The following IL1RAPL2 variants were observed in gnomAD, a reference collection of about 807,000 sequenced individuals.
The protein encoded by IL1RAPL2 is interleukin 1 receptor accessory protein like 2.
IL1RAPL2 carries 3 observed loss-of-function variants against 44.1 expected under a neutral mutation model. That is an observed-to-expected ratio of 0.07 (90% CI 0.03 to 0.18). The LOEUF (loss-of-function observed/expected upper bound fraction) is 0.18, where lower values mean the gene tolerates loss of function less well. IL1RAPL2 is among the 10% of genes least tolerant of loss of function. The probability of loss-of-function intolerance (pLI) is 1.00; values close to 1 mark genes in which losing one functional copy is unlikely to be tolerated. For synonymous variants in IL1RAPL2, 181 were observed against 178.8 expected (o/e 1.01, Z -0.10); for missense variants, 391 against 496.4 (o/e 0.79, Z 2.02).
chrX:105,164,035 G>A (rs1296033304), intron 2 of IL1RAPL2, among the ~76,000 whole-genome samples: 2 of 109,819 alleles, frequency 1.8e-5, no homozygotes, highest in East Asian at 2.9e-4. Flanking sequence ...ACATTCATGT[G>A]TTCTTGTCAA....
intron 6 of IL1RAPL2, among the ~76,000 whole-genome samples, chrX:105,598,908 C>T (rs1413830298): frequency 8.9e-6 from 1 of 112,502 alleles, no homozygotes; most frequent in Non-Finnish European, 1.9e-5. Flanking sequence ...ATCTACTGCT[C>T]TTTGTTAAGA....
At position 105,162,683 on chromosome X, in the gene IL1RAPL2, T is replaced by C. The variant is rs1019631463; in HGVS notation, c.83-32792T>C. Among the ~76,000 whole-genome samples, 8 of 112,150 alleles carry C rather than the reference T, an allele frequency of 7.1e-5. No individual in the cohort carries two copies. The East Asian group carries it at 1.4e-3, about 20-fold the overall frequency. On this transcript the variant is annotated intron_variant, in intron 2 of 10. Coordinates refer to ENST00000372582, the MANE Select transcript of IL1RAPL2 (RefSeq NM_017416.2). The stretch of plus-strand genomic sequence containing the variant: ...AAAACGTGGATACTGTGTAACACCA[T>C]GTATGGAGGGTGTGTTAGTCCATTA...
At chrX:105,306,632 T>G (rs986060922) in intron 5 of IL1RAPL2, among the ~76,000 whole-genome samples, 1 of 111,599 alleles carries the variant, frequency 9.0e-6, no homozygotes, top group African/African-American at 3.3e-5. Context: ...TCCTCCTAAT[T>G]AGATTCAGGT....
chrX:105,404,964 G>A (rs1361486613), intron 5 of IL1RAPL2, among the ~76,000 whole-genome samples: 1 of 111,835 alleles, frequency 8.9e-6, no homozygotes, highest in Non-Finnish European at 1.9e-5. Flanking sequence ...TATACAGGCA[G>A]ATTTTTTGTA....
At chrX:105,109,183 T>C (rs768652034) in intron 2 of IL1RAPL2, among the ~76,000 whole-genome samples, 1 of 112,430 alleles carries the variant, frequency 8.9e-6, no homozygotes, top group South Asian at 3.7e-4. Flanking sequence ...ATTTTCTTAC[T>C]TGTTTAATGT....
intron 2 of IL1RAPL2, among the ~76,000 whole-genome samples, chrX:104,932,555 G>A (rs1207548143): frequency 9.0e-6 from 1 of 111,114 alleles, no homozygotes; most frequent in Non-Finnish European, 1.9e-5. Flanking sequence ...CTACAACAAT[G>A]GAAATAGTCT....
chrX:105,235,349 A>C (rs1603025677), intron 4 of IL1RAPL2, among the ~76,000 whole-genome samples: 1 of 111,955 alleles, frequency 8.9e-6, no homozygotes, highest in Non-Finnish European at 1.9e-5. Context: ...GACACACTGA[A>C]GTTTTATGAT....
chrX:104,582,824 C>T (rs186144014), intron 1 of IL1RAPL2, among the ~76,000 whole-genome samples: 525 of 22,197 alleles, frequency 0.024, 10 homozygotes, highest in Admixed American at 0.041. Context: ...CTTTCTTTCT[C>T]TTTCTTTCTT....
At chrX:104,958,141 T>C (rs2029935499) in intron 2 of IL1RAPL2, among the ~76,000 whole-genome samples, 1 of 111,412 alleles carries the variant, frequency 9.0e-6, no homozygotes, top group Non-Finnish European at 1.9e-5. Flanking sequence ...TATCTTGAAA[T>C]TCTTAATAAG....
intron 5 of IL1RAPL2, among the ~76,000 whole-genome samples, chrX:105,307,114 T>C (rs773574274): frequency 1.3e-3 from 143 of 108,253 alleles, no homozygotes; most frequent in Non-Finnish European, 2.5e-3. Context: ...TGAGAATTCA[T>C]TCACTATCAC....
chrX:104,647,262 T>C, intron 1 of IL1RAPL2: 1 of 390,928 alleles, frequency 2.6e-6, no homozygotes, highest in Non-Finnish European at 4.9e-6. Context: ...TGGTATGTGA[T>C]GTCCTCTGCA....
chrX:104,610,722 C>T (rs1161570579), intron 1 of IL1RAPL2, among the ~76,000 whole-genome samples: 8 of 111,656 alleles, frequency 7.2e-5, no homozygotes, highest in African/African-American at 2.0e-4. Flanking sequence ...TTTATAGATT[C>T]AATGCGATCC....
intron 10 of IL1RAPL2, 72 bp from the exon 11 acceptor site, chrX:105,766,892 G>A: frequency 4.2e-6 from 3 of 707,937 alleles, no homozygotes; most frequent in Non-Finnish European, 6.5e-6. Flanking sequence ...TGCTATACTA[G>A]TGTGCAAACC....
chrX:104,895,828 C>A (rs189430390), intron 2 of IL1RAPL2, among the ~76,000 whole-genome samples: 9 of 111,861 alleles, frequency 8.0e-5, no homozygotes, highest in African/African-American at 2.9e-4. Flanking sequence ...GTGAGATGAA[C>A]CTGGTACCTC....
chrX:105,377,004 A>G (rs1446212126), intron 5 of IL1RAPL2, among the ~76,000 whole-genome samples: 2 of 112,262 alleles, frequency 1.8e-5, no homozygotes, highest in Non-Finnish European at 3.8e-5. Context: ...ATTGCAGGTA[A>G]CAAAAGTAAT....
intron 5 of IL1RAPL2, among the ~76,000 whole-genome samples, chrX:105,408,043 G>C (rs1428303320): frequency 5.4e-5 from 6 of 111,857 alleles, no homozygotes; most frequent in Admixed American, 3.8e-4. Flanking sequence ...GCTTATATGA[G>C]TGAATATGGT....
intron 4 of IL1RAPL2, among the ~76,000 whole-genome samples, chrX:105,237,090 G>A (rs2147638242): frequency 9.0e-6 from 1 of 111,471 alleles, no homozygotes; most frequent in Non-Finnish European, 1.9e-5. Flanking sequence ...GTGAGAACAT[G>A]CAGTGTTTGG....
At chrX:105,013,787 C>T (rs1043039135) in intron 2 of IL1RAPL2, among the ~76,000 whole-genome samples, 17 of 112,031 alleles carry the variant, frequency 1.5e-4, no homozygotes, top group Non-Finnish European at 2.5e-4. Flanking sequence ...AACTTTTTCA[C>T]GATGACTCTT....
In IL1RAPL2 at chrX:105,021,745, G is replaced by A. The variant is rs55808412; in HGVS notation, c.83-173730G>A. On this transcript the variant is annotated intron_variant, in intron 2 of 10. Transcript: ENST00000372582. ...AGGATTGGACTGCCCAAAACAATAC[G>A]TGGGTATTTGCCTATGATAAGCTAA... Among the ~76,000 whole-genome samples the A allele has an allele frequency of 7.2e-5, 8 of 111,599 alleles. No homozygotes were observed. In the South Asian group the frequency reaches 1.1e-3, roughly 16 times the overall value.
Sources: gnomAD v4.1 joint callset for allele counts (sites outside exome capture counted in the v4.1 genomes callset) on GRCh38, gnomAD v4.1.1 for gene constraint, MANE v1.5 for transcripts, NCBI Gene and HGNC (gene_info 2026-07-23, HGNC 2026-07-21) for gene names.